VEGFA: variants seen among roughly 807,000 people sequenced by gnomAD.
The protein encoded by VEGFA is vascular endothelial growth factor A, long form.
Under a neutral mutation model 49.7 loss-of-function variants are expected in VEGFA, and 20 were observed. The observed-to-expected ratio is 0.40, with a 90% CI of 0.28 to 0.58. The LOEUF (loss-of-function observed/expected upper bound fraction) is 0.58, where lower values mean the gene tolerates loss of function less well. Ranked by LOEUF, VEGFA falls within the 20% of genes least tolerant of loss-of-function variation. The pLI, the probability that VEGFA is intolerant of heterozygous loss-of-function variation, is 0.40. For missense variants in VEGFA, 505 were observed against 553.5 expected (o/e 0.91, Z 0.88); for synonymous variants, 219 against 223.4 (o/e 0.98, Z 0.18).
Position 43,770,782 on chromosome 6 carries a change from G to C in VEGFA, c.76G>C (p.Ala26Pro), listed in dbSNP as rs767638850. 6.8e-7 allele frequency: 1 copy of C among 1,472,186 alleles called. No individual in the cohort carries two copies. Among genetic ancestry groups the C allele is most frequent in the African/African-American group, 1.5e-5 (1 of 67,706 alleles). 91.2% of individuals were successfully genotyped at this position (1,472,186 alleles called of 1,614,324 possible). ...CCCCGGCCGGCGGCGGACAGTGGAC[G>C]CGGCGGCGAGCCGCGGGCAGGGGCC... Residue 26 changes from alanine to proline, a missense_variant, in exon 1 of 8, where the codon GCG (alanine) becomes CCG (proline). Physicochemically the swap from Ala to Pro is conservative, Grantham distance 27. Coordinates refer to ENST00000672860, the MANE Select transcript of VEGFA (RefSeq NM_003376.6).
At position 43,782,044 on chromosome 6, in the gene VEGFA, C is replaced by A; in HGVS notation, c.1123C>A (p.Arg375Ser). 6.2e-7 allele frequency: 1 copy of A among 1,614,054 alleles called. No homozygotes were observed. The highest frequency in any genetic ancestry group is 2.2e-5 in the East Asian group (1 of 44,882). ...ATGTTCCTGCAAAAACACAGACTCG[C>A]GTTGCAAGGCGAGGCAGCTTGAGTT... The change falls in exon 7 of 8, where the codon CGT becomes AGT. Residue 375 changes from arginine (R) to serine (S), a missense_variant. By Grantham distance (110) the Arg-to-Ser change is moderately radical. Around this residue, in one of 2 missense-constraint regions of VEGFA, gnomAD observed 165 missense variants for 231.7 expected, o/e 0.71. Transcript: ENST00000672860.
chr6:43,779,019 G>A, intron 5 of VEGFA, 101 bp downstream of exon 5: 1 of 1,493,864 alleles, frequency 6.7e-7, no homozygotes, highest in Non-Finnish European at 9.3e-7. Context: ...GCCTCCCTGG[G>A]TCAGGGACTT....
chr6:43,777,437 AC>A lies in VEGFA; in HGVS notation c.659-30del. On this transcript the variant is annotated intron_variant, in intron 2 of 7. Coordinates refer to ENST00000672860, the MANE Select transcript of VEGFA (RefSeq NM_003376.6). The surrounding 1 kb of genome is among the most constrained non-coding windows in gnomAD (Gnocchi z 4.3). The stretch of plus-strand genomic sequence containing the variant: ...GGGCTAGCCATCTTTTGTGTCGCCC[AC>A]CGGGCTCATGTGTCATCGCCTCTCA... The A allele has an allele frequency of 3.1e-6, 5 of 1,612,694 alleles. No individual in the cohort carries two copies. Among genetic ancestry groups the A allele is most frequent in the Non-Finnish European group, 4.2e-6 (5 of 1,179,794 alleles).
At position 43,784,688 on chromosome 6, in the gene VEGFA, C is replaced by T. The variant is rs753429817; in HGVS notation, c.*126C>T. ...CACCACACCATCACCATCGACAGAA[C>T]AGTCCTTAATCCAGAAACCTGAAAT... On this transcript the variant is annotated 3_prime_UTR_variant, in exon 8 of 8. Transcript: ENST00000672860. The T allele has an allele frequency of 1.1e-5, 17 of 1,545,562 alleles. No homozygotes were observed. The highest frequency in any genetic ancestry group is 3.4e-5 in the Admixed American group (2 of 59,460).
chr6:43,781,486 G>T (rs1012638928), intron 6 of VEGFA: 32 of 282,352 alleles, frequency 1.1e-4, no homozygotes, highest in Non-Finnish European at 1.9e-4. Flanking sequence ...GCCTGGCCTG[G>T]GGACACCGCC....
chr6:43,772,956 G>A (rs560191574), intron 1 of VEGFA, among the ~76,000 whole-genome samples: 113 of 152,292 alleles, frequency 7.4e-4, no homozygotes, highest in Non-Finnish European at 1.4e-3. Flanking sequence ...GGCCTTGGAA[G>A]GGGTATGAAA....
chr6:43,770,604 C>T lies in VEGFA; in HGVS notation c.-103C>T. The T allele has an allele frequency of 7.0e-7, 1 of 1,428,202 alleles. No individual in the cohort carries two copies. 88.5% of individuals were successfully genotyped at this position (1,428,202 alleles called of 1,614,324 possible). A position where few individuals can be genotyped will look rare whatever the true frequency, so the allele number is the denominator to read the frequency against. On this transcript the variant is annotated 5_prime_UTR_variant, in exon 1 of 8. Coordinates refer to ENST00000672860, the MANE Select transcript of VEGFA (RefSeq NM_003376.6). The stretch of plus-strand genomic sequence containing the variant: ...CAGAGAGAGCGCGCGGGCGTGCGAG[C>T]AGCGAAAGCGACAGGGGCAAAGTGA...
At chr6:43,771,364 G>A (rs750243580) in intron 1 of VEGFA, 52 bp downstream of exon 1, 1 of 1,573,634 alleles carries the variant, frequency 6.4e-7, no homozygotes, top group Non-Finnish European at 8.6e-7. Flanking sequence ...CGCCTCTCCC[G>A]GCTGGGGACG....
chr6:43,782,594 C>T (rs1436602316), intron 7 of VEGFA: 2 of 235,162 alleles, frequency 8.5e-6, no homozygotes, highest in South Asian at 5.6e-5. Context: ...GGAATTGAGT[C>T]TCCCACTTCA....
At chr6:43,781,025 G>A (rs1767500200) in intron 6 of VEGFA, 1 of 1,130,316 alleles carries the variant, frequency 8.8e-7, no homozygotes, top group Non-Finnish European at 1.3e-6. Flanking sequence ...GAATGGGGGT[G>A]CCGACTTGGC....
chr6:43,772,522 A>C (rs558284370), intron 1 of VEGFA, among the ~76,000 whole-genome samples: 3 of 152,134 alleles, frequency 2.0e-5, no homozygotes, highest in Non-Finnish European at 4.4e-5. Context: ...AAATGGCTTG[A>C]AATTTGCTGT....
intron 4 of VEGFA, 62 bp from the exon 5 acceptor site, chr6:43,778,827 A>C: frequency 6.4e-7 from 1 of 1,567,734 alleles, no homozygotes; most frequent in South Asian, 1.1e-5. Flanking sequence ...TATCCCTATC[A>C]TTATCATCAC....
rs556752530 is a variant in VEGFA, at chr6:43,780,663, A to AC, written c.963-67dup. 1.8e-3 allele frequency: 2,563 copies of AC among 1,453,878 alleles called. 6 individuals carry two copies. Among genetic ancestry groups the AC allele is most frequent in the Admixed American group, 2.6e-3 (145 of 56,358 alleles). 90.1% of individuals were successfully genotyped at this position (1,453,878 alleles called of 1,614,324 possible). Reference sequence around the variant, plus strand: ...TTTGGTCGTTCCCCCATCCCTGCCCACCTTACCACTTCTTTTACTCCCCCC... The same window carrying AC: ...TTTGGTCGTTCCCCCATCCCTGCCCACCCTTACCACTTCTTTTACTCCCCCC... On this transcript the variant is annotated intron_variant, in intron 5 of 7. Transcript: ENST00000672860.
chr6:43,770,712 G>A lies in VEGFA; in HGVS notation c.6G>A (p.Thr2=). Residue 2 remains threonine, a synonymous_variant, in exon 1 of 8, where the codon ACG becomes ACA. Transcript: ENST00000672860. Reference sequence around the variant, plus strand: ...CCCGCAGCTGACCAGTCGCGCTGACGGACAGACAGACAGACACCGCCCCCA... The same window carrying A: ...CCCGCAGCTGACCAGTCGCGCTGACAGACAGACAGACAGACACCGCCCCCA... 6.4e-7 allele frequency: 1 copy of A among 1,550,760 alleles called. No homozygotes were observed. The highest frequency in any genetic ancestry group is 2.6e-5 in the East Asian group (1 of 39,188).
rs1158465208 is a variant in VEGFA, at chr6:43,770,662, C to G, written c.-45C>G. 1.3e-6 allele frequency: 2 copies of G among 1,520,992 alleles called. No individual in the cohort carries two copies. Among genetic ancestry groups the G allele is most frequent in the Non-Finnish European group, 1.7e-6 (2 of 1,146,086 alleles). 94.2% of individuals were successfully genotyped at this position (1,520,992 alleles called of 1,614,324 possible). Reference sequence around the variant, plus strand: ...GCTTTTGGGGGTGACCGCCGGAGCGCGGCGTGAGCCCTCCCCCTTGGGATC... The same window carrying G: ...GCTTTTGGGGGTGACCGCCGGAGCGGGGCGTGAGCCCTCCCCCTTGGGATC... On this transcript the variant is annotated 5_prime_UTR_variant, in exon 1 of 8. Transcript: ENST00000672860.
At chr6:43,778,959 C>T (rs370181523) in intron 5 of VEGFA, 41 bp downstream of exon 5, 39 of 1,613,704 alleles carry the variant, frequency 2.4e-5, no homozygotes, top group African/African-American at 2.0e-4. Context: ...TCTCCATGGC[C>T]GGTTGTCTTG....
chr6:43,780,866 G>T (rs201694861), intron 6 of VEGFA, 63 bp downstream of exon 6: 2 of 1,587,310 alleles, frequency 1.3e-6, no homozygotes, highest in South Asian at 1.1e-5. Flanking sequence ...TACAACCTCC[G>T]CCTGCCATTC....
At position 43,778,827 on chromosome 6, in the gene VEGFA, A is replaced by G; in HGVS notation, c.933-62A>G. ...GATTATTATTGTTGTTATCCCTATC[A>G]TTATCATCACCATCTTAACCCTTCC... On this transcript the variant is annotated intron_variant, in intron 4 of 7. Transcript: ENST00000672860. 3.2e-6 allele frequency: 5 copies of G among 1,567,734 alleles called. No homozygotes were observed. The South Asian group carries it at 5.5e-5, about 17-fold the overall frequency.
At chr6:43,781,360 G>C (rs1327611163) in intron 6 of VEGFA, 1 of 259,778 alleles carries the variant, frequency 3.8e-6, no homozygotes, top group Non-Finnish European at 7.5e-6. Flanking sequence ...CTCTGGAGGG[G>C]AGCCCCCTAT....
Sources: gnomAD v4.1 joint callset for allele counts (sites outside exome capture counted in the v4.1 genomes callset) on GRCh38, gnomAD v4.1.1 for gene constraint, gnomAD v4.1.1 regional missense constraint, Gnocchi (gnomAD v3.1) non-coding constraint, MANE v1.5 for transcripts, NCBI Gene and HGNC (gene_info 2026-07-23, HGNC 2026-07-21) for gene names.